SDK2: variants seen among roughly 807,000 people sequenced by gnomAD.
SDK2 encodes sidekick cell adhesion molecule 2, also known as protein sidekick-2.
In SDK2, 105 loss-of-function variants were observed where a neutral mutation model predicts 253.9. The observed-to-expected ratio is 0.41, with a 90% CI of 0.35 to 0.49. The LOEUF (loss-of-function observed/expected upper bound fraction) is 0.49, where lower values mean the gene tolerates loss of function less well. Ranked by LOEUF, SDK2 falls within the 20% of genes least tolerant of loss-of-function variation. SDK2 has a pLI of 0.06. For missense variants in SDK2, 2,608 were observed against 3,003.0 expected, an observed-to-expected ratio of 0.87 and a Z score of 3.07; for synonymous variants, 1,249 against 1,234.9, an observed-to-expected ratio of 1.01 and a Z score of -0.24.
intron 37 of SDK2, among the ~76,000 whole-genome samples, chr17:73,367,257 C>T (rs1351514013): frequency 6.6e-6 from 1 of 152,112 alleles, no homozygotes; most frequent in Non-Finnish European, 1.5e-5. Flanking sequence ...GATCCACCCA[C>T]CTCGGCCTCC....
chr17:73,638,752 A>T (rs1599745256), intron 1 of SDK2, among the ~76,000 whole-genome samples: 1 of 151,784 alleles, frequency 6.6e-6, no homozygotes, highest in East Asian at 1.9e-4. Context: ...TTTCAAAGTG[A>T]TCTGGACAAT....
In SDK2 at chr17:73,398,201, G is replaced by A; in HGVS notation, c.3204-16C>T. ...CATGCGGAAGCTGGGGTTGGGGAGA[G>A]ATGAGCAAGATGGTAAGGGCAGCTC... On this transcript the variant is annotated splice_polypyrimidine_tract_variant and intron_variant, in intron 23 of 44. Transcript: ENST00000392650. 3.7e-6 allele frequency: 6 copies of A among 1,607,096 alleles called. No individual in the cohort carries two copies. Among genetic ancestry groups the A allele is most frequent in the Non-Finnish European group, 5.1e-6 (6 of 1,176,120 alleles).
At chr17:73,583,784 C>T (rs2045568362) in intron 1 of SDK2, among the ~76,000 whole-genome samples, 1 of 152,168 alleles carries the variant, frequency 6.6e-6, no homozygotes, top group African/African-American at 2.4e-5. Flanking sequence ...GGATCAAAGG[C>T]CCTGAGCTCC....
chr17:73,450,263 C>CT (rs1436879686), intron 4 of SDK2, among the ~76,000 whole-genome samples: 3 of 152,204 alleles, frequency 2.0e-5, no homozygotes, highest in Non-Finnish European at 4.4e-5. Flanking sequence ...GTTTCCTCCT[C>CT]TGTGCAGGGG....
At chr17:73,553,178 GGTGT>G (rs2045090141) in intron 1 of SDK2, among the ~76,000 whole-genome samples, 1 of 152,160 alleles carries the variant, frequency 6.6e-6, no homozygotes, top group Admixed American at 6.5e-5. Context: ...CACCTTCTGG[GGTGT>G]GTGTGTGTTC....
rs546033260 is a variant in SDK2 at position 73,565,482 on chromosome 17, C to T, written c.65-57885G>A. Among the ~76,000 whole-genome samples the T allele has an allele frequency of 2.6e-5, 4 of 152,104 alleles. No individual in the cohort carries two copies. In the South Asian group the frequency reaches 6.2e-4, roughly 24 times the overall value. ...GAAACAGGAAAATGTGATCCCTACA[C>T]AATAGAAAAGGCAATCAATACAGAT... On this transcript the variant is annotated intron_variant, in intron 1 of 44. Coordinates refer to ENST00000392650, the MANE Select transcript of SDK2 (RefSeq NM_001144952.2).
In SDK2 at chr17:73,397,559, C is replaced by T. The variant is rs368353060; in HGVS notation, c.3354+476G>A. Among the ~76,000 whole-genome samples, 13 of 152,252 alleles carry T rather than the reference C, an allele frequency of 8.5e-5. No homozygotes were observed. In the South Asian group the frequency reaches 1.0e-3, roughly 12 times the overall value. On this transcript the variant is annotated intron_variant, in intron 24 of 44. Coordinates refer to ENST00000392650, the MANE Select transcript of SDK2 (RefSeq NM_001144952.2). ...CAGCGCCTGGTAGGAGAGGAAGCCT[C>T]GGTGTGTTACTGTCACTACCTCGTG...
At chr17:73,626,862 C>T (rs1314470446) in intron 1 of SDK2, among the ~76,000 whole-genome samples, 1 of 152,204 alleles carries the variant, frequency 6.6e-6, no homozygotes, top group East Asian at 1.9e-4. Flanking sequence ...TATCCATGAG[C>T]TTGGACCTGC....
intron 1 of SDK2, among the ~76,000 whole-genome samples, chr17:73,631,527 G>A (rs1052996573): frequency 1.3e-5 from 2 of 152,214 alleles, no homozygotes; most frequent in African/African-American, 2.4e-5. Context: ...ATGGGCAGGT[G>A]GGCTGCCGGC....
intron 1 of SDK2, among the ~76,000 whole-genome samples, chr17:73,605,314 G>A (rs2045893562): frequency 6.6e-6 from 1 of 152,196 alleles, no homozygotes; most frequent in South Asian, 2.1e-4. Context: ...TTGGCAGAGA[G>A]AGAGGATGGA....
intron 2 of SDK2, among the ~76,000 whole-genome samples, chr17:73,504,631 C>CAAAAAAAA (rs146981971): frequency 5.1e-4 from 24 of 47,010 alleles, no homozygotes; most frequent in Non-Finnish European, 7.2e-4. Context: ...GACTCTGTCT[C>CAAAAAAAA]AAAAAAAAAA....
At position 73,467,455 on chromosome 17, in the gene SDK2, C is replaced by A. The variant is rs1209019088; in HGVS notation, c.331+4657G>T. 6.6e-6 allele frequency among the ~76,000 whole-genome samples: 1 copy of A among 152,132 alleles called. No homozygotes were observed. Among genetic ancestry groups the A allele is most frequent in the African/African-American group, 2.4e-5 (1 of 41,432 alleles). On this transcript the variant is annotated intron_variant, in intron 3 of 44. Transcript: ENST00000392650. This position sits in a 1 kb window ranked among gnomAD's most constrained non-coding sequence, Gnocchi z 4.1. ...CAGGCTGGGACGAGAACCACTGTGCCCTTCCCAGCACAGTGACCCTCAGGA... is the reference window on the plus strand; with the variant it reads ...CAGGCTGGGACGAGAACCACTGTGCACTTCCCAGCACAGTGACCCTCAGGA...
chr17:73,476,752 G>A (rs1394980195), intron 2 of SDK2, among the ~76,000 whole-genome samples: 2 of 152,166 alleles, frequency 1.3e-5, no homozygotes, highest in Non-Finnish European at 2.9e-5. Flanking sequence ...CAAGTAGCGA[G>A]GACTATGTCT....
intron 1 of SDK2, among the ~76,000 whole-genome samples, chr17:73,556,875 T>G (rs1296850780): frequency 1.3e-5 from 2 of 152,126 alleles, no homozygotes; most frequent in Admixed American, 6.5e-5. Context: ...TCATAGAAAC[T>G]CTCTCACAGG....
In SDK2 at chr17:73,379,281, C is replaced by A; in HGVS notation, c.4876G>T (p.Ala1626Ser). 1 of 1,553,258 alleles carries A rather than the reference C, an allele frequency of 6.4e-7. No homozygotes were observed. Among genetic ancestry groups the A allele is most frequent in the Non-Finnish European group, 8.7e-7 (1 of 1,147,976 alleles). The part of the protein sequence containing the change: ...VFVGEAVPTA[A>S]PRNVVVHGAT... ...CCGTGGACGACCACGTTACGAGGTG[C>A]TGCTGTGGGCACTGGAGGGCGTGCA... Residue 1626 changes from alanine (A) to serine (S), a missense_variant, in exon 36 of 45, where the codon GCA (alanine) becomes TCA (serine). Physicochemically the swap from Ala to Ser is moderately conservative, Grantham distance 99 (BLOSUM62 1). Coordinates refer to ENST00000392650, the MANE Select transcript of SDK2 (RefSeq NM_001144952.2). The surrounding 1 kb of genome is among the most constrained non-coding windows in gnomAD (Gnocchi z 4.5).
chr17:73,461,688 T>C (rs1331457874), intron 3 of SDK2, among the ~76,000 whole-genome samples: 1 of 151,872 alleles, frequency 6.6e-6, no homozygotes, highest in Non-Finnish European at 1.5e-5. Context: ...GAGGAAAGAA[T>C]GGAAGAATAG....
intron 1 of SDK2, among the ~76,000 whole-genome samples, chr17:73,624,964 C>T (rs2046182560): frequency 6.6e-6 from 1 of 152,168 alleles, no homozygotes; most frequent in Non-Finnish European, 1.5e-5. Context: ...AAGGAGGAAA[C>T]TGAATATAAG....
chr17:73,475,760 G>T (rs2063682032), intron 2 of SDK2, among the ~76,000 whole-genome samples: 1 of 152,224 alleles, frequency 6.6e-6, no homozygotes. Context: ...TTGACTGTTA[G>T]GGACAAGAAT....
intron 1 of SDK2, among the ~76,000 whole-genome samples, chr17:73,582,048 CT>C (rs1241146585): frequency 6.6e-6 from 1 of 152,180 alleles, no homozygotes; most frequent in Non-Finnish European, 1.5e-5. Context: ...TCGTATCTTA[CT>C]TGGTGCCCCA....
Sources: allele counts gnomAD v4.1 joint callset (sites outside exome capture counted in the v4.1 genomes callset), GRCh38; gene constraint gnomAD v4.1.1; non-coding constraint Gnocchi (gnomAD v3.1); transcripts MANE v1.5; gene names NCBI Gene and HGNC (gene_info 2026-07-23, HGNC 2026-07-21).